The following MNAT1 variants were observed in gnomAD, a reference collection of about 807,000 sequenced individuals.
MNAT1 encodes the protein CDK-activating kinase assembly factor MAT1.
MNAT1 carries 43 observed loss-of-function variants against 42.0 expected under a neutral mutation model. That is an observed-to-expected ratio of 1.02 (90% CI 0.80 to 1.32). The LOEUF is 1.32. Among genes scored for constraint, MNAT1 ranks in the 40% most tolerant of loss-of-function variants. The pLI is 0.00. For missense variants in MNAT1, 306 were observed against 350.4 expected (o/e 0.87, Z 1.01); for synonymous variants, 118 against 120.0 (o/e 0.98, Z 0.11).
At chr14:60,935,734 A>G (rs1205134028) in intron 7 of MNAT1, among the ~76,000 whole-genome samples, 3 of 152,154 alleles carry the variant, frequency 2.0e-5, no homozygotes, top group Non-Finnish European at 2.9e-5. Context: ...AATAGATTCT[A>G]TATACATAGA....
At chr14:60,941,063 A>T (rs1293402051) in intron 7 of MNAT1, among the ~76,000 whole-genome samples, 1 of 152,182 alleles carries the variant, frequency 6.6e-6, no homozygotes, top group East Asian at 1.9e-4. Flanking sequence ...AATTTAATAA[A>T]ATTCCGTTTA....
At chr14:60,910,782 T>A (rs1051235443) in intron 7 of MNAT1, among the ~76,000 whole-genome samples, 4 of 152,176 alleles carry the variant, frequency 2.6e-5, no homozygotes, top group Non-Finnish European at 4.4e-5. Context: ...GGTCTAAAAT[T>A]CTCTTTTTTG....
intron 1 of MNAT1, among the ~76,000 whole-genome samples, chr14:60,743,455 A>T (rs1594715637): frequency 6.6e-6 from 1 of 152,044 alleles, no homozygotes; most frequent in East Asian, 1.9e-4. Context: ...TGCCCGGCTA[A>T]TTTTTGTATT....
At chr14:60,883,160 A>G (rs1490924640) in intron 7 of MNAT1, among the ~76,000 whole-genome samples, 1 of 152,104 alleles carries the variant, frequency 6.6e-6, no homozygotes, top group African/African-American at 2.4e-5. Flanking sequence ...TGCCCACTCC[A>G]ATATCCTGGA....
chr14:60,899,517 G>A (rs950133815), intron 7 of MNAT1, among the ~76,000 whole-genome samples: 1 of 151,376 alleles, frequency 6.6e-6, no homozygotes, highest in African/African-American at 2.4e-5. Flanking sequence ...AGTAGTTATG[G>A]TGGTATTGAA....
rs190986904 is a variant in MNAT1, at chr14:60,856,820, A to G, written c.688-22894A>G. The stretch of plus-strand genomic sequence containing the variant: ...CTCAGCCTCCTGAGTAGCTGGGACT[A>G]CAGGCGCTCACCACCACGCCCAGCT... On this transcript the variant is annotated intron_variant, in intron 6 of 7. Coordinates refer to ENST00000261245, the MANE Select transcript of MNAT1 (RefSeq NM_002431.4). Among the ~76,000 whole-genome samples the G allele has an allele frequency of 8.6e-5, 13 of 151,914 alleles. No individual in the cohort carries two copies. The East Asian group carries it at 1.6e-3, about 18-fold the overall frequency.
chr14:60,886,089 TG>T (rs1203083717), intron 7 of MNAT1, among the ~76,000 whole-genome samples: 1 of 152,084 alleles, frequency 6.6e-6, no homozygotes, highest in Non-Finnish European at 1.5e-5. Flanking sequence ...GGTTTATTTC[TG>T]GGCTCCCTAT....
chr14:60,762,705 C>CA (rs33957783), intron 1 of MNAT1, among the ~76,000 whole-genome samples: 1,594 of 94,786 alleles, frequency 0.017, 87 homozygotes, highest in African/African-American at 0.023. Flanking sequence ...GACTCTGTCT[C>CA]AAAAAAAAAA....
At chr14:60,911,897 A>C (rs1341789246) in intron 7 of MNAT1, among the ~76,000 whole-genome samples, 1 of 151,950 alleles carries the variant, frequency 6.6e-6, no homozygotes, top group Non-Finnish European at 1.5e-5. Flanking sequence ...TGTCTCGTTG[A>C]TCTGTCTAAT....
chr14:60,774,659 A>G (rs1224015824), intron 1 of MNAT1, among the ~76,000 whole-genome samples: 1 of 152,234 alleles, frequency 6.6e-6, no homozygotes, highest in Non-Finnish European at 1.5e-5. Context: ...ATAGTGGCAT[A>G]TAACAGTGCA....
At chr14:60,961,910 AC>A (rs1452645608) in intron 7 of MNAT1, among the ~76,000 whole-genome samples, 1 of 152,206 alleles carries the variant, frequency 6.6e-6, no homozygotes, top group Non-Finnish European at 1.5e-5. Context: ...CATTAGACAA[AC>A]CAGAATCAGG....
chr14:60,817,964 A>G (rs1033873191), intron 5 of MNAT1, among the ~76,000 whole-genome samples: 24 of 151,824 alleles, frequency 1.6e-4, no homozygotes, highest in African/African-American at 5.1e-4. Context: ...GTCCTTCTGC[A>G]TATGTTTTTG....
At chr14:60,868,323 G>C (rs1952402) in intron 6 of MNAT1, among the ~76,000 whole-genome samples, 7,808 of 152,096 alleles carry the variant, frequency 0.051, 661 homozygotes, top group African/African-American at 0.18. Flanking sequence ...TAGTCATTCA[G>C]AATTACTTCA....
intron 6 of MNAT1, among the ~76,000 whole-genome samples, chr14:60,878,829 C>T (rs1291108721): frequency 6.6e-6 from 1 of 152,102 alleles, no homozygotes; most frequent in Non-Finnish European, 1.5e-5. Flanking sequence ...GGATCTTGAT[C>T]ACAGTTGCTT....
chr14:60,863,220 T>C lies in MNAT1; in HGVS notation c.688-16494T>C, dbSNP rs530515199. The stretch of plus-strand genomic sequence containing the variant: ...AGATCCCAGGACTCCAGCCAGTGCA[T>C]TGAGTTTCATATAAAGAATACCTGA... On this transcript the variant is annotated intron_variant, in intron 6 of 7. Coordinates refer to ENST00000261245, the MANE Select transcript of MNAT1 (RefSeq NM_002431.4). 2.2e-4 allele frequency among the ~76,000 whole-genome samples: 33 copies of C among 152,262 alleles called. No homozygotes were observed. The East Asian group carries it at 5.8e-3, about 27-fold the overall frequency.
intron 7 of MNAT1, among the ~76,000 whole-genome samples, chr14:60,901,548 T>A (rs149481573): frequency 1.3e-5 from 2 of 152,190 alleles, no homozygotes; most frequent in African/African-American, 4.8e-5. Context: ...GAAAACCTTC[T>A]GGAAACAATT....
At chr14:60,918,198 C>CTTTTTTTTTTTTTTTT (rs386381525) in intron 7 of MNAT1, among the ~76,000 whole-genome samples, 2 of 48,598 alleles carry the variant, frequency 4.1e-5, no homozygotes, top group Admixed American at 4.1e-4. Flanking sequence ...ATTAATTGTT[C>CTTTTTTTTTTTTTTTT]TTTTTTTTTT....
In MNAT1 at chr14:60,848,004, G is replaced by A. The variant is rs117651742; in HGVS notation, c.687+29157G>A. On this transcript the variant is annotated intron_variant, in intron 6 of 7. Coordinates refer to ENST00000261245, the MANE Select transcript of MNAT1 (RefSeq NM_002431.4). ...AGTTTTTATTCAGTCTTTTAGATTT[G>A]TCTATGTAATTACCTCTTGAGTATT... Among the ~76,000 whole-genome samples, 168 of 152,162 alleles carry A rather than the reference G, an allele frequency of 1.1e-3. No homozygotes were observed. In the East Asian group the frequency reaches 0.023, roughly 21 times the overall value.
chr14:60,811,549 G>A (rs184436942), intron 4 of MNAT1, among the ~76,000 whole-genome samples: 86 of 152,018 alleles, frequency 5.7e-4, no homozygotes, highest in African/African-American at 2.0e-3. Context: ...TGATCCACCC[G>A]CCGTGGCCTC....
Sources: gnomAD v4.1 joint callset for allele counts (sites outside exome capture counted in the v4.1 genomes callset) on GRCh38, gnomAD v4.1.1 for gene constraint, MANE v1.5 for transcripts, NCBI Gene and HGNC (gene_info 2026-07-23, HGNC 2026-07-21) for gene names.